ABL1: variants seen among roughly 807,000 people sequenced by gnomAD.
ABL1 encodes ABL proto-oncogene 1, non-receptor tyrosine kinase, also known as tyrosine-protein kinase ABL1.
ABL1 carries 11 observed loss-of-function variants against 94.7 expected under a neutral mutation model. The ratio of observed to expected loss-of-function variants is 0.12; its 90% CI spans 0.07 to 0.19. The LOEUF (loss-of-function observed/expected upper bound fraction) is 0.19, where lower values mean the gene tolerates loss of function less well. Ranked by LOEUF, ABL1 falls within the 10% of genes least tolerant of loss-of-function variation. ABL1 has a pLI of 1.00. For missense variants in ABL1, 1,082 were observed against 1,489.4 expected, an observed-to-expected ratio of 0.73 and a Z score of 4.50; for synonymous variants, 656 against 622.4, an observed-to-expected ratio of 1.05 and a Z score of -0.80.
chr9:130,793,410 C>G lies in ABL1; in HGVS notation c.137-60654C>G, dbSNP rs886337008. ...TACATATTGTGATGTCTAACTGGGC[C>G]TTAATTATCATGAATTTTAAATTGG... On this transcript the variant is annotated intron_variant, in intron 1 of 10. Transcript: ENST00000372348. Among the ~76,000 whole-genome samples the G allele has an allele frequency of 2.6e-5, 4 of 152,256 alleles. No individual in the cohort carries two copies. In the South Asian group the frequency reaches 8.3e-4, roughly 32 times the overall value.
intron 1 of ABL1, among the ~76,000 whole-genome samples, chr9:130,799,651 G>A (rs75557915): frequency 6.6e-6 from 1 of 152,174 alleles, no homozygotes; most frequent in Non-Finnish European, 1.5e-5. Flanking sequence ...GGCATTGTAA[G>A]TACACAGTAA....
chr9:130,849,387 G>C (rs962053621), intron 1 of ABL1, among the ~76,000 whole-genome samples: 2 of 152,146 alleles, frequency 1.3e-5, no homozygotes, highest in Non-Finnish European at 2.9e-5. Context: ...CATTGTATGA[G>C]AGTGCCCGTT....
At chr9:130,860,809 A>G (rs1313596573) in intron 3 of ABL1, among the ~76,000 whole-genome samples, 1 of 152,238 alleles carries the variant, frequency 6.6e-6, no homozygotes, top group Admixed American at 6.5e-5. Flanking sequence ...TGCCACCGGC[A>G]GTGAAGTAAT....
chr9:130,764,218 A>C (rs1036666654), intron 1 of ABL1, among the ~76,000 whole-genome samples: 2 of 152,176 alleles, frequency 1.3e-5, no homozygotes, highest in South Asian at 2.1e-4. Flanking sequence ...TTTCTTCTCT[A>C]GGAATATAGC....
At chr9:130,810,336 A>G (rs1830191396) in intron 1 of ABL1, among the ~76,000 whole-genome samples, 1 of 152,160 alleles carries the variant, frequency 6.6e-6, no homozygotes, top group Non-Finnish European at 1.5e-5. Context: ...CCTCTACTAA[A>G]AATACAAAAA....
At position 130,730,097 on chromosome 9, in the gene ABL1, G is replaced by A. The variant is rs888625019; in HGVS notation, c.136+15642G>A. Among the ~76,000 whole-genome samples, 31 of 141,112 alleles carry A rather than the reference G, an allele frequency of 2.2e-4. 1 individual carries two copies. In the East Asian group the frequency reaches 6.1e-3, roughly 28 times the overall value. 92.6% of individuals were successfully genotyped at this position (141,112 alleles called of 152,430 possible). Reference sequence around the variant, plus strand: ...CTGCTCTTGTTGCCCACGCTGGAGTGCAATGGTGCAATCTTAGCTGACCGC... The same window carrying A: ...CTGCTCTTGTTGCCCACGCTGGAGTACAATGGTGCAATCTTAGCTGACCGC... On this transcript the variant is annotated intron_variant, in intron 1 of 10. Transcript: ENST00000372348.
intron 10 of ABL1, 139 bp from the exon 11 acceptor site, chr9:130,883,830 G>T: frequency 9.0e-7 from 1 of 1,107,148 alleles, no homozygotes; most frequent in Non-Finnish European, 1.3e-6. Flanking sequence ...TTGTTTGTTT[G>T]TTTGTTTTGA....
intron 4 of ABL1, among the ~76,000 whole-genome samples, chr9:130,870,660 A>G (rs1465979163): frequency 1.3e-5 from 2 of 152,222 alleles, no homozygotes; most frequent in Non-Finnish European, 2.9e-5. Context: ...CAGAAGAATT[A>G]AACGGCCAAT....
chr9:130,875,902 A>T (rs939251115), intron 7 of ABL1, among the ~76,000 whole-genome samples: 3 of 151,786 alleles, frequency 2.0e-5, no homozygotes, highest in Non-Finnish European at 1.5e-5. Context: ...ATCTTGGCTC[A>T]CTGCAACCTC....
At chr9:130,745,751 A>G (rs754184530) in intron 1 of ABL1, among the ~76,000 whole-genome samples, 1 of 151,932 alleles carries the variant, frequency 6.6e-6, no homozygotes, top group Non-Finnish European at 1.5e-5. Flanking sequence ...AATCTCATGA[A>G]CTCCACAATT....
At chr9:130,745,857 A>G (rs1380036529) in intron 1 of ABL1, among the ~76,000 whole-genome samples, 1 of 152,130 alleles carries the variant, frequency 6.6e-6, no homozygotes, top group Non-Finnish European at 1.5e-5. Context: ...TCAAATAAAT[A>G]AAGTGGACCT....
chr9:130,884,010 C>G lies in ABL1; in HGVS notation c.1720C>G (p.Arg574Gly). Residue 574 changes from arginine to glycine, a missense_variant, in exon 11 of 11, where the codon CGA becomes GGA. Around this residue, in one of 7 missense-constraint regions of ABL1, gnomAD observed 780 missense variants for 835.8 expected, o/e 0.93. Transcript: ENST00000318560. This position sits in a 1 kb window ranked among gnomAD's most constrained non-coding sequence, Gnocchi z 5.6. Reference protein sequence around the residue: ...HEPAVSPLLPRKERGPPEGGL... With the variant: ...HEPAVSPLLPGKERGPPEGGL... ...GCCTGCCGTGTCTCCATTGCTCCCTCGAAAAGAGCGAGGTCCCCCGGAGGG... is the reference window on the plus strand; with the variant it reads ...GCCTGCCGTGTCTCCATTGCTCCCTGGAAAAGAGCGAGGTCCCCCGGAGGG... 1 of 1,613,642 alleles carries G rather than the reference C, an allele frequency of 6.2e-7. No homozygotes were observed. Among genetic ancestry groups the G allele is most frequent in the Non-Finnish European group, 8.5e-7 (1 of 1,179,974 alleles).
intron 1 of ABL1, among the ~76,000 whole-genome samples, chr9:130,840,217 T>C (rs1389911881): frequency 2.6e-5 from 4 of 152,370 alleles, no homozygotes; most frequent in African/African-American, 9.6e-5. Flanking sequence ...TAAAGCAGTT[T>C]GTTTCTAAGT....
intron 1 of ABL1, among the ~76,000 whole-genome samples, chr9:130,762,020 G>T (rs1444861551): frequency 6.6e-6 from 1 of 152,052 alleles, no homozygotes; most frequent in South Asian, 2.1e-4. Flanking sequence ...GCGCGTGCCT[G>T]TAATCCCAGC....
At chr9:130,831,250 C>T (rs1362613541), upstream of ABL1, among the ~76,000 whole-genome samples, 1 of 152,148 alleles carries the variant, frequency 6.6e-6, no homozygotes, top group Non-Finnish European at 1.5e-5. Context: ...GGTCCCAAGC[C>T]AGGCCTCCTG....
chr9:130,815,250 C>T (rs1480520696), intron 1 of ABL1, among the ~76,000 whole-genome samples: 2 of 152,176 alleles, frequency 1.3e-5, no homozygotes, highest in Admixed American at 6.5e-5. Context: ...AGGAGAATCG[C>T]TTGAACCCGG....
chr9:130,790,392 C>A (rs911202471), intron 1 of ABL1, among the ~76,000 whole-genome samples: 51 of 152,374 alleles, frequency 3.3e-4, no homozygotes, highest in African/African-American at 1.1e-3. Flanking sequence ...TCACGCTCCT[C>A]ACAAGCATGC....
At chr9:130,805,917 T>C (rs1830118241) in intron 1 of ABL1, among the ~76,000 whole-genome samples, 1 of 152,240 alleles carries the variant, frequency 6.6e-6, no homozygotes, top group Non-Finnish European at 1.5e-5. Flanking sequence ...CTGAAGTTAA[T>C]GTGTGTTTTA....
chr9:130,731,552 A>G (rs943661884), intron 1 of ABL1, among the ~76,000 whole-genome samples: 6 of 152,148 alleles, frequency 3.9e-5, no homozygotes, highest in Non-Finnish European at 8.8e-5. Context: ...TGAAAAGAAC[A>G]TCTGCTGCTG....
Sources: allele counts gnomAD v4.1 joint callset (sites outside exome capture counted in the v4.1 genomes callset), GRCh38; gene constraint gnomAD v4.1.1; regional missense constraint gnomAD v4.1.1; non-coding constraint Gnocchi (gnomAD v3.1); transcripts MANE v1.5; gene names NCBI Gene and HGNC (gene_info 2026-07-23, HGNC 2026-07-21).